Variants in PTPRK observed in about 807,000 individuals in gnomAD.
The protein encoded by PTPRK is protein tyrosine phosphatase receptor type K.
A neutral mutation model predicts 178.0 loss-of-function variants in PTPRK; 75 were observed. That is an observed-to-expected ratio of 0.42 (90% confidence interval 0.35 to 0.51). The LOEUF is 0.51. Among genes scored for constraint, PTPRK ranks in the 20% least tolerant of loss-of-function variants. The pLI, the probability that PTPRK is intolerant of heterozygous loss-of-function variation, is 0.02. For synonymous variants in PTPRK, 637 were observed against 620.6 expected, an observed-to-expected ratio of 1.03 and a Z score of -0.39; for missense variants, 1,441 against 1,797.8, an observed-to-expected ratio of 0.80 and a Z score of 3.59.
intron 7 of PTPRK, among the ~76,000 whole-genome samples, chr6:128,116,853 T>C (rs762576079): frequency 1.3e-5 from 2 of 152,182 alleles, no homozygotes; most frequent in African/African-American, 4.8e-5. Flanking sequence ...CCCATTAATA[T>C]ATAAACTAAT....
chr6:127,970,205 C>G lies in PTPRK; in HGVS notation c.*22G>C. The G allele has an allele frequency of 6.3e-7, 1 of 1,582,782 alleles. No individual in the cohort carries two copies. On this transcript the variant is annotated 3_prime_UTR_variant, in exon 30 of 30. Coordinates refer to ENST00000368226, the MANE Select transcript of PTPRK (RefSeq NM_002844.4). The stretch of plus-strand genomic sequence containing the variant: ...AGATGGACAGGTTTCTTCATGGATG[C>G]ACTTTAAAGAGTCTCACCCAACTAA...
chr6:128,213,720 C>A (rs1808677965), intron 6 of PTPRK, among the ~76,000 whole-genome samples: 1 of 151,990 alleles, frequency 6.6e-6, no homozygotes, highest in African/African-American at 2.4e-5. Context: ...CCTTAGCCAC[C>A]AACTAGCAAA....
intron 2 of PTPRK, chr6:128,340,726 C>T: frequency 4.6e-6 from 2 of 439,100 alleles, no homozygotes; most frequent in South Asian, 3.6e-5. Flanking sequence ...ACCAAAAATG[C>T]AAATAGATTT....
At chr6:128,435,114 AAGGCAGGCAGGAAGGCAGGC>A (rs1562516040) in intron 1 of PTPRK, among the ~76,000 whole-genome samples, 12 of 79,722 alleles carry the variant, frequency 1.5e-4, no homozygotes, top group East Asian at 1.1e-3. Flanking sequence ...GGAAGGCAGG[AAGGCAGGCAGGAAGGCAGGC>A]AGGCAGGCAG....
At position 128,295,749 on chromosome 6, in the gene PTPRK, A is replaced by C. The variant is rs139427840; in HGVS notation, c.495+26290T>G. ...ATCTACATATTAAGGTGATTATTTTAAACAAAGCTTGATTCTCCAAAATTA... is the reference window on the plus strand; with the variant it reads ...ATCTACATATTAAGGTGATTATTTTCAACAAAGCTTGATTCTCCAAAATTA... On this transcript the variant is annotated intron_variant, in intron 3 of 29. Coordinates refer to ENST00000368226, the MANE Select transcript of PTPRK (RefSeq NM_002844.4). 1.3e-4 allele frequency among the ~76,000 whole-genome samples: 20 copies of C among 152,216 alleles called. No homozygotes were observed. In the East Asian group the frequency reaches 3.7e-3, roughly 28 times the overall value.
In PTPRK at chr6:128,187,388, A is replaced by C. The variant is rs1802958804; in HGVS notation, c.869-2663T>G. 2.0e-5 allele frequency among the ~76,000 whole-genome samples: 3 copies of C among 152,308 alleles called. No homozygotes were observed. In the South Asian group the frequency reaches 6.2e-4, roughly 32 times the overall value. On this transcript the variant is annotated intron_variant, in intron 6 of 29. Transcript: ENST00000368226. ...TTGTAGTCTGGAAACCTAATATGAA[A>C]AAAATGCTTACACATTAATAGCTGT...
At chr6:128,045,577 AC>A (rs745317949) in intron 13 of PTPRK, among the ~76,000 whole-genome samples, 9 of 152,016 alleles carry the variant, frequency 5.9e-5, no homozygotes, top group Non-Finnish European at 1.3e-4. Flanking sequence ...AAGAAAAATG[AC>A]CACTCCACAT....
chr6:128,277,196 C>A (rs1445423185), intron 3 of PTPRK, among the ~76,000 whole-genome samples: 10 of 151,396 alleles, frequency 6.6e-5, no homozygotes, highest in African/African-American at 2.4e-4. Flanking sequence ...ATAAAACAAA[C>A]ATTGAACGTT....
At chr6:128,281,280 G>C (rs140445473) in intron 3 of PTPRK, among the ~76,000 whole-genome samples, 2 of 152,290 alleles carry the variant, frequency 1.3e-5, no homozygotes, top group African/African-American at 4.8e-5. Flanking sequence ...GGCAGGAGGT[G>C]CTGATTGAGC....
intron 15 of PTPRK, chr6:127,999,944 C>G (rs1777605447): frequency 1.1e-6 from 1 of 908,430 alleles, no homozygotes. Flanking sequence ...ACTTTAAATT[C>G]TTTTTCTGTC....
chr6:127,974,535 G>T (rs2114608271), intron 27 of PTPRK, among the ~76,000 whole-genome samples: 1 of 152,300 alleles, frequency 6.6e-6, no homozygotes, highest in African/African-American at 2.4e-5. Context: ...AGCACTGAAG[G>T]CTGTGTGTCT....
intron 1 of PTPRK, among the ~76,000 whole-genome samples, chr6:128,472,962 T>C (rs745615323): frequency 6.6e-6 from 1 of 152,130 alleles, no homozygotes; most frequent in Non-Finnish European, 1.5e-5. Context: ...CTGCAAATTC[T>C]AAAATATGTA....
chr6:128,185,810 A>G (rs555042439), intron 6 of PTPRK, among the ~76,000 whole-genome samples: 1 of 152,214 alleles, frequency 6.6e-6, no homozygotes, highest in African/African-American at 2.4e-5. Flanking sequence ...CACATAATCA[A>G]TATCTTTCTA....
intron 7 of PTPRK, among the ~76,000 whole-genome samples, chr6:128,117,621 A>C (rs906780284): frequency 1.3e-5 from 2 of 152,086 alleles, no homozygotes; most frequent in Non-Finnish European, 2.9e-5. Context: ...CTTTTCTTTT[A>C]TGCAACCTAG....
chr6:128,210,572 A>G (rs1019365890), intron 6 of PTPRK, among the ~76,000 whole-genome samples: 1 of 152,140 alleles, frequency 6.6e-6, no homozygotes, highest in South Asian at 2.1e-4. Flanking sequence ...CAGAGACAGA[A>G]GTATACTCGG....
At chr6:128,235,255 T>G (rs1420452395) in intron 5 of PTPRK, 1 of 152,270 alleles carries the variant, frequency 6.6e-6, no homozygotes, top group Non-Finnish European at 1.5e-5. Flanking sequence ...TTTAAATATT[T>G]TCAATAATAC....
Position 127,973,082 on chromosome 6 carries a change from G to C in PTPRK, c.4209C>G (p.Val1403=). Residue 1403 remains valine (V), a synonymous_variant, in exon 29 of 30, where the codon GTC becomes GTG. Coordinates refer to ENST00000368226, the MANE Select transcript of PTPRK (RefSeq NM_002844.4). ...GTGTCTTTACTGCATGGAAAACATC[G>C]ACAACATTTTGCCGTTTCACCATTT... ...VVEMVKRQNV[V]DVFHAVKTLR... 6.2e-7 allele frequency: 1 copy of C among 1,613,982 alleles called. No individual in the cohort carries two copies. Among genetic ancestry groups the C allele is most frequent in the South Asian group, 1.1e-5 (1 of 91,070 alleles).
intron 2 of PTPRK, among the ~76,000 whole-genome samples, chr6:128,347,607 G>A (rs948669568): frequency 1.3e-5 from 2 of 152,100 alleles, no homozygotes; most frequent in African/African-American, 4.8e-5. Context: ...GTGAGTATGT[G>A]TATGAGGGGA....
chr6:127,992,579 T>C, intron 19 of PTPRK, 94 bp downstream of exon 19: 4 of 1,052,894 alleles, frequency 3.8e-6, no homozygotes, highest in Non-Finnish European at 5.5e-6. Flanking sequence ...ATTTTTTTGT[T>C]ACTAAGATAA....
Sources: gnomAD v4.1 joint callset for allele counts (sites outside exome capture counted in the v4.1 genomes callset) on GRCh38, gnomAD v4.1.1 for gene constraint, MANE v1.5 for transcripts, NCBI Gene and HGNC (gene_info 2026-07-23, HGNC 2026-07-21) for gene names.